Variants in CFAP77 observed in about 807,000 individuals in gnomAD.
CFAP77 encodes the protein cilia- and flagella-associated protein 77.
In CFAP77, 25 loss-of-function variants were observed where a neutral mutation model predicts 31.1. The ratio of observed to expected loss-of-function variants is 0.80; its 90% confidence interval spans 0.59 to 1.12. The LOEUF is 1.12. CFAP77 is among the 50% of genes most tolerant of loss of function. CFAP77 has a pLI of 0.00. For missense variants in CFAP77, 377 were observed against 397.3 expected (o/e 0.95, Z 0.44); for synonymous variants, 151 against 159.9 (o/e 0.94, Z 0.42).
At position 132,498,204 on chromosome 9, in the gene CFAP77, G is replaced by A. The variant is rs1406716125; in HGVS notation, c.196-491G>A. Among the ~76,000 whole-genome samples the A allele has an allele frequency of 1.3e-5, 2 of 152,100 alleles. No homozygotes were observed. The highest frequency in any genetic ancestry group is 2.9e-5 in the Non-Finnish European group (2 of 68,002). ...CTGTGTCTTCCCCAGGTGAGGATTC[G>A]AGGAAGTGACTCCCTCATGTGCTAC... On this transcript the variant is annotated intron_variant, in intron 1 of 5. Coordinates refer to ENST00000393216, the MANE Select transcript of CFAP77 (RefSeq NM_001282957.2). The surrounding 1 kb of genome is among the most constrained non-coding windows in gnomAD (Gnocchi z 4.2).
intron 5 of CFAP77, among the ~76,000 whole-genome samples, chr9:132,566,946 T>C (rs1829891666): frequency 6.6e-6 from 1 of 152,280 alleles, no homozygotes; most frequent in South Asian, 2.1e-4. Context: ...CATTCATACA[T>C]TTGGGGGCCC....
Position 132,499,739 on chromosome 9 carries a change from G to A in CFAP77, c.524+139G>A. On this transcript the variant is annotated intron_variant, in intron 3 of 5. Transcript: ENST00000393216. This position sits in a 1 kb window ranked among gnomAD's most constrained non-coding sequence, Gnocchi z 5.4. ...CCTCTCTTCAATGACTCTCTCTTGT[G>A]TGACCTCTATAGCCACACCCTGAAT... 2.6e-6 allele frequency: 2 copies of A among 783,680 alleles called. No individual in the cohort carries two copies. The highest frequency in any genetic ancestry group is 2.1e-6 in the Non-Finnish European group (1 of 473,878). 48.5% of individuals were successfully genotyped at this position (783,680 alleles called of 1,614,324 possible). A position where few individuals can be genotyped will look rare whatever the true frequency, so the allele number is the denominator to read the frequency against.
intron 1 of CFAP77, among the ~76,000 whole-genome samples, chr9:132,474,631 C>T (rs539419142): frequency 6.6e-6 from 1 of 152,156 alleles, no homozygotes; most frequent in Admixed American, 6.5e-5. Context: ...CAGGGCCACT[C>T]AGTTCGGGTG....
intron 1 of CFAP77, among the ~76,000 whole-genome samples, chr9:132,462,701 A>G (rs1404784017): frequency 6.6e-6 from 1 of 152,188 alleles, no homozygotes; most frequent in African/African-American, 2.4e-5. Context: ...CTGTAATCCC[A>G]GCTACTCAGG....
At position 132,455,124 on chromosome 9, in the gene CFAP77, T is replaced by C. The variant is rs1353876914; in HGVS notation, c.196-43571T>C. Among the ~76,000 whole-genome samples the C allele has an allele frequency of 3.3e-5, 5 of 152,236 alleles. No homozygotes were observed. Among genetic ancestry groups the C allele is most frequent in the South Asian group, 2.1e-4 (1 of 4,832 alleles). ...CTACTCGCAGATCCTAGCTGGCCCTTTCCTAGGCTTTATCAGGCCTGGGAC... is the reference window on the plus strand; with the variant it reads ...CTACTCGCAGATCCTAGCTGGCCCTCTCCTAGGCTTTATCAGGCCTGGGAC... On this transcript the variant is annotated intron_variant, in intron 1 of 5. Coordinates refer to ENST00000393216, the MANE Select transcript of CFAP77 (RefSeq NM_001282957.2). This position sits in a 1 kb window ranked among gnomAD's most constrained non-coding sequence, Gnocchi z 4.1.
chr9:132,417,991 T>C (rs983053644), intron 1 of CFAP77, among the ~76,000 whole-genome samples: 8 of 152,248 alleles, frequency 5.3e-5, no homozygotes, highest in African/African-American at 1.9e-4. Flanking sequence ...CTAGCACTCA[T>C]GCCGAGCTTA....
intron 1 of CFAP77, among the ~76,000 whole-genome samples, chr9:132,429,655 T>C (rs7865814): frequency 0.033 from 4,606 of 137,890 alleles, 225 homozygotes; most frequent in African/African-American, 0.12. Flanking sequence ...CCATCCTGGC[T>C]AACACGGCGA....
rs894053192 is a variant in CFAP77 at position 132,564,426 on chromosome 9, G to A, written c.733-7962G>A. ...ACCAAAGAAATTGAATTAGAAATCA[G>A]TAACAAACCTAACTGATAAAATTGC... On this transcript the variant is annotated intron_variant, in intron 5 of 5. Transcript: ENST00000393216. This position sits in a 1 kb window ranked among gnomAD's most constrained non-coding sequence, Gnocchi z 4.6. 2.6e-5 allele frequency among the ~76,000 whole-genome samples: 4 copies of A among 152,150 alleles called. No homozygotes were observed. Among genetic ancestry groups the A allele is most frequent in the African/African-American group, 9.7e-5 (4 of 41,440 alleles).
intron 3 of CFAP77, among the ~76,000 whole-genome samples, chr9:132,535,711 C>CAATAAATAAATA (rs34927880): frequency 3.1e-4 from 46 of 148,062 alleles, no homozygotes; most frequent in African/African-American, 9.6e-4. Context: ...GACTCCACCT[C>CAATAAATAAATA]AATAAATAAA....
chr9:132,442,056 T>A (rs573882892), intron 1 of CFAP77, among the ~76,000 whole-genome samples: 1 of 152,278 alleles, frequency 6.6e-6, no homozygotes, highest in Non-Finnish European at 1.5e-5. Context: ...TGGCACCTAC[T>A]ACTATGTGCC....
At chr9:132,516,091 G>C (rs1445606310) in intron 3 of CFAP77, among the ~76,000 whole-genome samples, 1 of 152,174 alleles carries the variant, frequency 6.6e-6, no homozygotes, top group Non-Finnish European at 1.5e-5. Flanking sequence ...GTCTAAAGTT[G>C]GCAGCTCCAG....
intron 1 of CFAP77, among the ~76,000 whole-genome samples, chr9:132,460,125 C>T (rs999624908): frequency 2.0e-5 from 3 of 152,070 alleles, no homozygotes; most frequent in Non-Finnish European, 4.4e-5. Flanking sequence ...ATGGATGTAC[C>T]AGGGGATAGT....
chr9:132,516,406 T>C (rs943437156), intron 3 of CFAP77, among the ~76,000 whole-genome samples: 2 of 152,106 alleles, frequency 1.3e-5, no homozygotes, highest in African/African-American at 4.8e-5. Flanking sequence ...ATAATAGTAG[T>C]TCCTGTCTAG....
intron 5 of CFAP77, among the ~76,000 whole-genome samples, chr9:132,548,470 C>T (rs1852770660): frequency 6.6e-6 from 1 of 152,198 alleles, no homozygotes; most frequent in Non-Finnish European, 1.5e-5. Flanking sequence ...GAGCTCAGTT[C>T]TTCCTGATGT....
intron 3 of CFAP77, among the ~76,000 whole-genome samples, chr9:132,534,010 A>G (rs1185319718): frequency 6.6e-6 from 1 of 152,220 alleles, no homozygotes; most frequent in African/African-American, 2.4e-5. Context: ...CCCTCCTAGC[A>G]TATCAGTTCT....
chr9:132,482,839 T>G, intron 1 of CFAP77, among the ~76,000 whole-genome samples: 1 of 141,818 alleles, frequency 7.1e-6, no homozygotes. Flanking sequence ...CATTAGGAGA[T>G]ATACCTAAGG....
intron 1 of CFAP77, among the ~76,000 whole-genome samples, chr9:132,463,097 T>C (rs568312317): frequency 3.3e-5 from 5 of 151,944 alleles, no homozygotes; most frequent in South Asian, 2.1e-4. Context: ...ATAAGCCAAA[T>C]AGAGGAGGAA....
intron 1 of CFAP77, among the ~76,000 whole-genome samples, chr9:132,496,771 G>A (rs1415477206): frequency 6.6e-6 from 1 of 152,208 alleles, no homozygotes; most frequent in Non-Finnish European, 1.5e-5. Flanking sequence ...GCTTCCCAGA[G>A]GAAGTGGTTT....
intron 3 of CFAP77, among the ~76,000 whole-genome samples, chr9:132,509,685 C>T (rs1851998205): frequency 1.3e-5 from 2 of 152,184 alleles, no homozygotes; most frequent in African/African-American, 4.8e-5. Context: ...ACGAGAATCA[C>T]TTGAACCCGG....
Sources: allele counts gnomAD v4.1 joint callset (sites outside exome capture counted in the v4.1 genomes callset), GRCh38; gene constraint gnomAD v4.1.1; non-coding constraint Gnocchi (gnomAD v3.1); transcripts MANE v1.5; gene names NCBI Gene and HGNC (gene_info 2026-07-23, HGNC 2026-07-21).